Variants in EPHA2 observed in about 807,000 individuals in gnomAD.
The protein encoded by EPHA2 is ephrin type-A receptor 2.
A neutral mutation model predicts 104.9 loss-of-function variants in EPHA2; 54 were observed. The ratio of observed to expected loss-of-function variants is 0.51; its 90% CI spans 0.41 to 0.65. The LOEUF is 0.65. Ranked by LOEUF, EPHA2 falls within the 30% of genes least tolerant of loss-of-function variation. The probability of loss-of-function intolerance (pLI) is 0.00; values close to 1 mark genes in which losing one functional copy is unlikely to be tolerated. For synonymous variants in EPHA2, 560 were observed against 559.1 expected (o/e 1.00, Z -0.02); for missense variants, 1,117 against 1,369.5 (o/e 0.82, Z 2.91).
At chr1:16,132,317 G>A (rs565871197) in intron 12 of EPHA2, 44 bp from the exon 13 acceptor site, 22 of 1,613,968 alleles carry the variant, frequency 1.4e-5, no homozygotes, top group South Asian at 4.4e-5. Context: ...CCCTGAACCC[G>A]CCAGGCCAGC....
Position 16,135,689 on chromosome 1 carries a change from C to T in EPHA2, c.1394G>A (p.Arg465Gln), listed in dbSNP as rs755419836. The T allele has an allele frequency of 1.6e-5, 26 of 1,613,788 alleles. No individual in the cohort carries two copies. Among genetic ancestry groups the T allele is most frequent in the South Asian group, 7.7e-5 (7 of 91,086 alleles). Reference sequence around the variant, plus strand: ...GTAAGTGACCTCGTACTTCCACACTCGGCTCTGCTGCGGCGGGGGGATGCT... The same window carrying T: ...GTAAGTGACCTCGTACTTCCACACTTGGCTCTGCTGCGGCGGGGGGATGCT... ...SWSIPPPQQS[R>Q]VWKYEVTYRK... The change falls in exon 6 of 17, where the codon CGA becomes CAA. Residue 465 changes from arginine (R) to glutamine (Q), a missense_variant. Physicochemically the swap from Arg to Gln is conservative, Grantham distance 43. Around this residue, in one of 3 missense-constraint regions of EPHA2, gnomAD observed 664 missense variants for 784.8 expected, o/e 0.85. Transcript: ENST00000358432. The surrounding 1 kb of genome is among the most constrained non-coding windows in gnomAD (Gnocchi z 4.3).
Position 16,135,841 on chromosome 1 carries a change from G to A in EPHA2, c.1313-71C>T. On this transcript the variant is annotated intron_variant, in intron 5 of 16. Transcript: ENST00000358432. This position sits in a 1 kb window ranked among gnomAD's most constrained non-coding sequence, Gnocchi z 4.3. ...GAGCAGGCAGGGTTTGGGGGGACAA[G>A]TGGACGTGGAGCCACATCCTCCACA... is the stretch of plus-strand genomic sequence containing the variant. 1 of 756,810 alleles carries A rather than the reference G, an allele frequency of 1.3e-6. No homozygotes were observed. The highest frequency in any genetic ancestry group is 1.4e-5 in the South Asian group (1 of 71,698). 46.9% of individuals were successfully genotyped at this position (756,810 alleles called of 1,614,324 possible).
At position 16,150,366 on chromosome 1, in the gene EPHA2, C is replaced by T. The variant is rs1450792104; in HGVS notation, c.153+530G>A. Among the ~76,000 whole-genome samples, 1 of 152,174 alleles carries T rather than the reference C, an allele frequency of 6.6e-6. No homozygotes were observed. Among genetic ancestry groups the T allele is most frequent in the Non-Finnish European group, 1.5e-5 (1 of 68,020 alleles). Reference sequence around the variant, plus strand: ...CCCATTCCTGGTCACATCAGGACGGCATAGAGGGGAAGACCTGGGTGAGAA... The same window carrying T: ...CCCATTCCTGGTCACATCAGGACGGTATAGAGGGGAAGACCTGGGTGAGAA... On this transcript the variant is annotated intron_variant, in intron 2 of 16. Coordinates refer to ENST00000358432, the MANE Select transcript of EPHA2 (RefSeq NM_004431.5). The surrounding 1 kb of genome is among the most constrained non-coding windows in gnomAD (Gnocchi z 4.8).
At position 16,133,861 on chromosome 1, in the gene EPHA2, T is replaced by G. The variant is rs374954025; in HGVS notation, c.1737A>C (p.Ser579=). Residue 579 remains serine (S), a splice_region_variant and synonymous_variant, in exon 9 of 17, where the codon TCA becomes TCC. Coordinates refer to ENST00000358432, the MANE Select transcript of EPHA2 (RefSeq NM_004431.5). ...CCTGGAGCGGGGGCTGCGTCTCACCTGACTTGGAGAAGTAAACGTCCTCCG... is the reference window on the plus strand; with the variant it reads ...CCTGGAGCGGGGGCTGCGTCTCACCGGACTTGGAGAAGTAAACGTCCTCCG... ...QSPEDVYFSK[S]EQLKPLKTYV... 20 of 1,548,438 alleles carry G rather than the reference T, an allele frequency of 1.3e-5. No individual in the cohort carries two copies. The highest frequency in any genetic ancestry group is 1.6e-5 in the Non-Finnish European group (18 of 1,145,028).
At chr1:16,137,286 A>C (rs2124223207) in intron 5 of EPHA2, among the ~76,000 whole-genome samples, 1 of 141,750 alleles carries the variant, frequency 7.1e-6, no homozygotes, top group Non-Finnish European at 1.5e-5. Context: ...CACTAACAAC[A>C]GGTGATGAGC....
Position 16,133,223 on chromosome 1 carries a change from G to A in EPHA2, c.2010C>T (p.Phe670=). ...CTAGGCGGATGATGTTGTGGTGGCT[G>A]AACTGGCCCATGATGCCGGCCTCGC... is the stretch of plus-strand genomic sequence containing the variant. ...FLGEAGIMGQ[F]SHHNIIRLEG... is the part of the protein sequence containing the mutation. The change falls in exon 11 of 17, where the codon TTC becomes TTT. Residue 670 remains phenylalanine (F), a synonymous_variant. Coordinates refer to ENST00000358432, the MANE Select transcript of EPHA2 (RefSeq NM_004431.5). 3.7e-6 allele frequency: 6 copies of A among 1,613,782 alleles called. No individual in the cohort carries two copies. Among genetic ancestry groups the A allele is most frequent in the Non-Finnish European group, 5.1e-6 (6 of 1,179,914 alleles).
In EPHA2 at chr1:16,156,002, G is replaced by C. The variant is rs550427307; in HGVS notation, c.-70C>G. ...CGCACACCCGCACGCCTGCACGCCG[G>C]CCTCGGTGTCCGCTCCCGCCCGCCG... On this transcript the variant is annotated 5_prime_UTR_variant, in exon 1 of 17. Transcript: ENST00000358432. 1.5e-6 allele frequency: 2 copies of C among 1,325,440 alleles called. No homozygotes were observed. Among genetic ancestry groups the C allele is most frequent in the East Asian group, 6.2e-5 (2 of 32,210 alleles). The allele number at this position is 1,325,440 out of a possible 1,614,324, so 82.1% of individuals were successfully genotyped here. A position where few individuals can be genotyped will look rare whatever the true frequency, so the allele number is the denominator to read the frequency against.
Position 16,132,241 on chromosome 1 carries a change from C to A in EPHA2, c.2148G>T (p.Leu716=). The A allele has an allele frequency of 6.2e-7, 1 of 1,614,144 alleles. No individual in the cohort carries two copies. The highest frequency in any genetic ancestry group is 8.5e-7 in the Non-Finnish European group (1 of 1,180,024). The change falls in exon 13 of 17, where the codon CTG becomes CTT. Residue 716 remains leucine, a synonymous_variant. Transcript: ENST00000358432. ...EKDGEFSVLQ[L]VGMLRGIAAG... is the part of the protein sequence containing the mutation. ...CTGCGATGCCCCGCAGCATGCCCACCAGCTGCAGCACGCTGAACTCGCCAT... is the reference window on the plus strand; with the variant it reads ...CTGCGATGCCCCGCAGCATGCCCACAAGCTGCAGCACGCTGAACTCGCCAT...
intron 3 of EPHA2, among the ~76,000 whole-genome samples, chr1:16,140,110 C>T (rs918877964): frequency 2.0e-5 from 3 of 152,234 alleles, no homozygotes; most frequent in Non-Finnish European, 4.4e-5. Context: ...GGGAACAGGA[C>T]TCAAAGGACA....
chr1:16,132,673 G>A (rs1157245146), intron 11 of EPHA2, among the ~76,000 whole-genome samples: 1 of 151,320 alleles, frequency 6.6e-6, no homozygotes, highest in Non-Finnish European at 1.5e-5. Context: ...GTATTGGGGA[G>A]GAGGGCACAG....
intron 1 of EPHA2, among the ~76,000 whole-genome samples, chr1:16,153,966 A>G (rs1181076383): frequency 6.6e-6 from 1 of 151,962 alleles, no homozygotes; most frequent in Admixed American, 6.5e-5. Flanking sequence ...GTCGAAGCAA[A>G]AATGTACCCC....
rs1248680106 is a variant in EPHA2 at position 16,130,245 on chromosome 1, G to C, written c.2650C>G (p.Leu884Val). The C allele has an allele frequency of 6.2e-7, 1 of 1,614,068 alleles. No homozygotes were observed. The highest frequency in any genetic ancestry group is 8.5e-7 in the Non-Finnish European group (1 of 1,180,012). Residue 884 changes from leucine to valine, a missense_variant, in exon 15 of 17, where the codon CTG (leucine) becomes GTG (valine). Around this residue, in one of 3 missense-constraint regions of EPHA2, gnomAD observed 340 missense variants for 480.5 expected, o/e 0.71. Transcript: ENST00000358432. The surrounding 1 kb of genome is among the most constrained non-coding windows in gnomAD (Gnocchi z 4.5). ...ACTCACCGGGGGTCAAAGTCAGCCA[G>C]GGTCTTGAGGGAGTCAGGGGCACGA... ...LIRAPDSLKT[L>V]ADFDPRVSIR...
intron 16 of EPHA2, among the ~76,000 whole-genome samples, chr1:16,126,821 C>T (rs1320603692): frequency 6.6e-6 from 1 of 152,178 alleles, no homozygotes; most frequent in African/African-American, 2.4e-5. Flanking sequence ...GGGTTGTAAG[C>T]TCCAGGAGGA....
intron 3 of EPHA2, among the ~76,000 whole-genome samples, chr1:16,144,557 G>A (rs2024890564): frequency 6.6e-6 from 1 of 152,170 alleles, no homozygotes; most frequent in Non-Finnish European, 1.5e-5. Context: ...TGTAAGCAGT[G>A]GGACCCCTCC....
chr1:16,155,602 C>A, intron 1 of EPHA2: 1 of 397,540 alleles, frequency 2.5e-6, no homozygotes, highest in Non-Finnish European at 4.4e-6. Flanking sequence ...GCCTGCGCCG[C>A]GTCCTCTTCT....
chr1:16,137,736 C>T lies in EPHA2; in HGVS notation c.1312+117G>A, dbSNP rs543964660. ...GACAAGCTTGCTCTAGACACTGTGC[C>T]TTTAACCACTTGCTCTGCTGCCTCT... On this transcript the variant is annotated intron_variant, in intron 5 of 16. Transcript: ENST00000358432. 1.6e-5 allele frequency: 21 copies of T among 1,290,188 alleles called. No homozygotes were observed. In the South Asian group the frequency reaches 2.6e-4, roughly 16 times the overall value. The allele number at this position is 1,290,188 out of a possible 1,614,324, so 79.9% of individuals were successfully genotyped here. A position where few individuals can be genotyped will look rare whatever the true frequency, so the allele number is the denominator to read the frequency against.
At chr1:16,154,421 G>C (rs899010522) in intron 1 of EPHA2, among the ~76,000 whole-genome samples, 1 of 152,004 alleles carries the variant, frequency 6.6e-6, no homozygotes, top group African/African-American at 2.4e-5. Flanking sequence ...TCCCAACACA[G>C]AACAGCAAAA....
Position 16,138,169 on chromosome 1 carries a change from T to A in EPHA2, c.996A>T (p.Pro332=), listed in dbSNP as rs1467198203. The change falls in exon 5 of 17, where the codon CCA becomes CCT. Residue 332 remains proline (P), a synonymous_variant. Coordinates refer to ENST00000358432, the MANE Select transcript of EPHA2 (RefSeq NM_004431.5). ...SMPCTRPPSA[P]HYLTAVGMGA... Reference sequence around the variant, plus strand: ...CCATGCCCACGGCTGTGAGGTAGTGTGGGGCGGAGGGGGGTCCTGCACAGA... The same window carrying A: ...CCATGCCCACGGCTGTGAGGTAGTGAGGGGCGGAGGGGGGTCCTGCACAGA... The A allele has an allele frequency of 1.2e-6, 2 of 1,609,370 alleles. No individual in the cohort carries two copies. Among genetic ancestry groups the A allele is most frequent in the East Asian group, 4.5e-5 (2 of 44,880 alleles).
At chr1:16,143,169 T>TGGAC (rs2024858940) in intron 3 of EPHA2, among the ~76,000 whole-genome samples, 1 of 143,240 alleles carries the variant, frequency 7.0e-6, no homozygotes, top group African/African-American at 2.6e-5. Context: ...GATGGATGGA[T>TGGAC]GGATGGATGG....
Sources: allele counts gnomAD v4.1 joint callset (sites outside exome capture counted in the v4.1 genomes callset), GRCh38; gene constraint gnomAD v4.1.1; regional missense constraint gnomAD v4.1.1; non-coding constraint Gnocchi (gnomAD v3.1); transcripts MANE v1.5; gene names NCBI Gene and HGNC (gene_info 2026-07-23, HGNC 2026-07-21).